VIPR2: variants seen among roughly 807,000 people sequenced by gnomAD.
VIPR2 encodes the protein vasoactive intestinal polypeptide receptor 2.
VIPR2 carries 48 observed loss-of-function variants against 58.0 expected under a neutral mutation model. The ratio of observed to expected loss-of-function variants is 0.83; its 90% CI spans 0.66 to 1.05. The LOEUF (loss-of-function observed/expected upper bound fraction) is 1.05. VIPR2 is among the 50% of genes least tolerant of loss of function. The probability of loss-of-function intolerance (pLI) is 0.00; values close to 1 mark genes in which losing one functional copy is unlikely to be tolerated. For missense variants in VIPR2, 534 were observed against 558.0 expected, an observed-to-expected ratio of 0.96 and a Z score of 0.43; for synonymous variants, 243 against 235.2, an observed-to-expected ratio of 1.03 and a Z score of -0.30.
At chr7:159,062,357 A>C (rs1855735489) in intron 4 of VIPR2, among the ~76,000 whole-genome samples, 1 of 152,182 alleles carries the variant, frequency 6.6e-6, no homozygotes, top group Admixed American at 6.5e-5. Flanking sequence ...ACGGACCCTC[A>C]CAGTGAGTGT....
chr7:159,142,469 C>G lies in VIPR2; in HGVS notation c.128G>C (p.Arg43Thr). The part of the protein sequence containing the change: ...EEETKCAELL[R>T]SQTEKHKACS... ...ACCTTTGTGTTTTTCTGTTTGAGAC[C>G]TCAGAAGCTCTGCACATTTTGTTTC... The change falls in exon 2 of 13, where the codon AGG becomes ACG. Residue 43 changes from arginine (R) to threonine (T), a missense_variant. Arg to Thr is a moderately conservative substitution (Grantham distance 71). Transcript: ENST00000262178. The G allele has an allele frequency of 6.2e-7, 1 of 1,613,928 alleles. No individual in the cohort carries two copies. The highest frequency in any genetic ancestry group is 8.5e-7 in the Non-Finnish European group (1 of 1,179,944).
intron 2 of VIPR2, among the ~76,000 whole-genome samples, chr7:159,138,913 A>T (rs939179217): frequency 7.9e-5 from 12 of 152,238 alleles, no homozygotes; most frequent in African/African-American, 2.9e-4. Flanking sequence ...AAGCTTTTAA[A>T]ATATCTCTCT....
chr7:159,031,073 G>A lies in VIPR2; in HGVS notation c.1144-284C>T, dbSNP rs1853545924. On this transcript the variant is annotated intron_variant, in intron 12 of 12. Transcript: ENST00000262178. This position sits in a 1 kb window ranked among gnomAD's most constrained non-coding sequence, Gnocchi z 4.0. Reference sequence around the variant, plus strand: ...AAGCGCAGTCCCACAGTCTCAGATAGTTAATATTTCTCTGAAAAGATTTTC... The same window carrying A: ...AAGCGCAGTCCCACAGTCTCAGATAATTAATATTTCTCTGAAAAGATTTTC... Among the ~76,000 whole-genome samples the A allele has an allele frequency of 6.6e-6, 1 of 152,166 alleles. No homozygotes were observed. The highest frequency in any genetic ancestry group is 2.4e-5 in the African/African-American group (1 of 41,432).
At chr7:159,104,520 T>C (rs186086371) in intron 3 of VIPR2, among the ~76,000 whole-genome samples, 1,654 of 118,964 alleles carry the variant, frequency 0.014, 24 homozygotes, top group Admixed American at 0.039. Context: ...TACCTCCTCC[T>C]GGCAGCACCC....
chr7:159,089,510 C>T (rs73169233), intron 4 of VIPR2, among the ~76,000 whole-genome samples: 19,324 of 152,064 alleles, frequency 0.13, 1,436 homozygotes, highest in East Asian at 0.16. Context: ...GGCAGTGTTG[C>T]GCATTAAATT....
chr7:159,138,786 T>C (rs1015243795), intron 2 of VIPR2, among the ~76,000 whole-genome samples: 1 of 152,248 alleles, frequency 6.6e-6, no homozygotes, highest in East Asian at 1.9e-4. Flanking sequence ...GTGAAGTCTG[T>C]AGAGACATTT....
intron 5 of VIPR2, among the ~76,000 whole-genome samples, chr7:159,055,783 T>C (rs1437180738): frequency 1.3e-5 from 2 of 152,264 alleles, no homozygotes; most frequent in Non-Finnish European, 2.9e-5. Flanking sequence ...TTTGGTCCAG[T>C]TAGCAAGCCA....
At chr7:159,061,063 A>C (rs937789926) in intron 4 of VIPR2, among the ~76,000 whole-genome samples, 2 of 152,318 alleles carry the variant, frequency 1.3e-5, no homozygotes, top group Middle Eastern at 6.8e-3. Context: ...CAAAGACTGA[A>C]ATCACGTCCT....
intron 10 of VIPR2, among the ~76,000 whole-genome samples, chr7:159,033,753 G>A (rs1244322685): frequency 6.6e-6 from 1 of 152,138 alleles, no homozygotes; most frequent in Non-Finnish European, 1.5e-5. Context: ...CTGAGGGGGA[G>A]ACAGAATTAA....
At chr7:159,062,748 T>G (rs1003893093) in intron 4 of VIPR2, among the ~76,000 whole-genome samples, 2 of 152,118 alleles carry the variant, frequency 1.3e-5, no homozygotes, top group South Asian at 2.1e-4. Flanking sequence ...ACCCAGTGAA[T>G]TGTCTCTACA....
At chr7:159,069,684 C>T (rs1856280839) in intron 4 of VIPR2, among the ~76,000 whole-genome samples, 1 of 152,082 alleles carries the variant, frequency 6.6e-6, no homozygotes, top group Admixed American at 6.5e-5. Flanking sequence ...GGTCCAGAAC[C>T]CTCTTTGCAT....
intron 2 of VIPR2, among the ~76,000 whole-genome samples, chr7:159,113,429 C>T (rs1796118045): frequency 6.6e-6 from 1 of 152,068 alleles, no homozygotes; most frequent in South Asian, 2.1e-4. Flanking sequence ...GTGCACCTGA[C>T]AAGCTCGGAT....
At position 159,059,492 on chromosome 7, in the gene VIPR2, G is replaced by T. The variant is rs374381009; in HGVS notation, c.358-914C>A. 93 of 369,948 alleles carry T rather than the reference G, an allele frequency of 2.5e-4. No individual in the cohort carries two copies. In the East Asian group the frequency reaches 6.4e-3, roughly 26 times the overall value. 22.9% of individuals were successfully genotyped at this position (369,948 alleles called of 1,614,324 possible). A position where few individuals can be genotyped will look rare whatever the true frequency, so the allele number is the denominator to read the frequency against. On this transcript the variant is annotated intron_variant, in intron 4 of 12. Coordinates refer to ENST00000262178, the MANE Select transcript of VIPR2 (RefSeq NM_003382.5). ...AATACAAAATTTAAGGCAAAACTCAGAAAGTTATGCTCTTGTTTATTAGTT... is the reference window on the plus strand; with the variant it reads ...AATACAAAATTTAAGGCAAAACTCATAAAGTTATGCTCTTGTTTATTAGTT...
chr7:159,056,557 C>T (rs1246676684), intron 5 of VIPR2, among the ~76,000 whole-genome samples: 2 of 152,098 alleles, frequency 1.3e-5, no homozygotes, highest in African/African-American at 4.8e-5. Flanking sequence ...AGGATGACTC[C>T]CCTACAAAGC....
intron 2 of VIPR2, among the ~76,000 whole-genome samples, chr7:159,140,039 A>C (rs1797399787): frequency 6.6e-6 from 1 of 152,204 alleles, no homozygotes; most frequent in African/African-American, 2.4e-5. Flanking sequence ...AGAGCTTAGA[A>C]TTGAAATTGG....
intron 2 of VIPR2, among the ~76,000 whole-genome samples, chr7:159,111,578 G>T (rs1326891138): frequency 6.6e-6 from 1 of 152,028 alleles, no homozygotes; most frequent in Non-Finnish European, 1.5e-5. Flanking sequence ...TACTCAGGAG[G>T]CTAAGGGAGG....
rs572328006 is a variant in VIPR2 at position 159,097,518 on chromosome 7, G to C, written c.357+6239C>G. Among the ~76,000 whole-genome samples the C allele has an allele frequency of 6.6e-6, 1 of 152,192 alleles. No individual in the cohort carries two copies. The highest frequency in any genetic ancestry group is 2.1e-4 in the South Asian group (1 of 4,806). ...CCACCACAGAAGCAATGGCAGGGCT[G>C]TGAGTGCCCAGGGTGTTAGAGATTC... On this transcript the variant is annotated intron_variant, in intron 4 of 12. Transcript: ENST00000262178. The surrounding 1 kb of genome is among the most constrained non-coding windows in gnomAD (Gnocchi z 5.3).
At chr7:159,037,237 G>A (rs1379367140) in intron 6 of VIPR2, among the ~76,000 whole-genome samples, 2 of 152,156 alleles carry the variant, frequency 1.3e-5, no homozygotes, top group South Asian at 2.1e-4. Flanking sequence ...TCCTCCCCTC[G>A]GCTACTCCAC....
At chr7:159,131,573 G>T (rs1344060809) in intron 2 of VIPR2, among the ~76,000 whole-genome samples, 1 of 152,162 alleles carries the variant, frequency 6.6e-6, no homozygotes, top group Non-Finnish European at 1.5e-5. Context: ...ACAGGACTTT[G>T]CTGCTTTAAG....
Sources: allele counts gnomAD v4.1 joint callset (sites outside exome capture counted in the v4.1 genomes callset), GRCh38; gene constraint gnomAD v4.1.1; non-coding constraint Gnocchi (gnomAD v3.1); transcripts MANE v1.5; gene names NCBI Gene and HGNC (gene_info 2026-07-23, HGNC 2026-07-21).